MDGA2: variants seen among roughly 807,000 people sequenced by gnomAD.
The protein encoded by MDGA2 is MAM domain-containing glycosylphosphatidylinositol anchor protein 2.
A neutral mutation model predicts 117.8 loss-of-function variants in MDGA2; 40 were observed. That is an observed-to-expected ratio of 0.34 (90% CI 0.26 to 0.44). The LOEUF (loss-of-function observed/expected upper bound fraction) is 0.44. Among genes scored for constraint, MDGA2 ranks in the 20% least tolerant of loss-of-function variants. MDGA2 has a pLI of 1.00. For missense variants in MDGA2, 1,123 were observed against 1,250.6 expected, an observed-to-expected ratio of 0.90 and a Z score of 1.54; for synonymous variants, 452 against 439.0, an observed-to-expected ratio of 1.03 and a Z score of -0.37.
intron 2 of MDGA2, among the ~76,000 whole-genome samples, chr14:47,295,765 G>A (rs10135002): frequency 0.029 from 4,465 of 152,072 alleles, 217 homozygotes; most frequent in African/African-American, 0.1. Flanking sequence ...TTATTAGGGG[G>A]TAGTGGTACG....
At chr14:47,320,770 T>G (rs1244500529) in intron 1 of MDGA2, among the ~76,000 whole-genome samples, 1 of 152,154 alleles carries the variant, frequency 6.6e-6, no homozygotes, top group East Asian at 1.9e-4. Context: ...GGTTATAAAA[T>G]CTGAATTTAT....
intron 7 of MDGA2, among the ~76,000 whole-genome samples, chr14:47,046,716 C>A (rs1889279480): frequency 1.3e-5 from 2 of 151,946 alleles, no homozygotes; most frequent in Non-Finnish European, 2.9e-5. Flanking sequence ...TTGAATACTG[C>A]ACTCCAAACA....
At chr14:46,897,196 T>C (rs947299636) in intron 10 of MDGA2, among the ~76,000 whole-genome samples, 1 of 152,188 alleles carries the variant, frequency 6.6e-6, no homozygotes, top group African/African-American at 2.4e-5. Flanking sequence ...CTAACATACT[T>C]ATATTTACTA....
intron 12 of MDGA2, among the ~76,000 whole-genome samples, chr14:46,876,528 A>T (rs532127876): frequency 6.6e-6 from 1 of 151,754 alleles, no homozygotes; most frequent in Non-Finnish European, 1.5e-5. Flanking sequence ...AATCAAGTGG[A>T]TCTTGAATTT....
chr14:46,938,268 G>A (rs576431219), intron 9 of MDGA2, among the ~76,000 whole-genome samples: 7 of 152,114 alleles, frequency 4.6e-5, no homozygotes, highest in African/African-American at 1.4e-4. Flanking sequence ...GCTGGGCATG[G>A]TGGCTCATGC....
intron 9 of MDGA2, among the ~76,000 whole-genome samples, chr14:46,936,561 T>A (rs1884789053): frequency 6.6e-6 from 1 of 152,136 alleles, no homozygotes; most frequent in Admixed American, 6.6e-5. Context: ...AAATTTAATT[T>A]ATTTTTGTTC....
chr14:47,327,495 G>T lies in MDGA2; in HGVS notation c.281-25945C>A, dbSNP rs561911814. On this transcript the variant is annotated intron_variant, in intron 1 of 16. Coordinates refer to ENST00000399232, the MANE Select transcript of MDGA2 (RefSeq NM_001113498.3). Reference sequence around the variant, plus strand: ...TCCATTTCCCACTGCCTTATTGCAAGGATTTTGACAGGTGGAGACATGAAT... The same window carrying T: ...TCCATTTCCCACTGCCTTATTGCAATGATTTTGACAGGTGGAGACATGAAT... Among the ~76,000 whole-genome samples, 3 of 152,200 alleles carry T rather than the reference G, an allele frequency of 2.0e-5. No homozygotes were observed. In the South Asian group the frequency reaches 6.2e-4, roughly 32 times the overall value.
At chr14:47,649,413 T>C (rs1357509421) in intron 1 of MDGA2, among the ~76,000 whole-genome samples, 1 of 152,214 alleles carries the variant, frequency 6.6e-6, no homozygotes, top group Non-Finnish European at 1.5e-5. Flanking sequence ...GTCATAGTAG[T>C]TCCTGTCCTT....
At chr14:47,124,658 G>T (rs1881808824) in intron 5 of MDGA2, among the ~76,000 whole-genome samples, 1 of 151,982 alleles carries the variant, frequency 6.6e-6, no homozygotes, top group Non-Finnish European at 1.5e-5. Context: ...TTGGAGATAG[G>T]GCTTTTACAG....
chr14:46,970,023 T>G (rs955630943), intron 8 of MDGA2, among the ~76,000 whole-genome samples: 1 of 147,234 alleles, frequency 6.8e-6, no homozygotes, highest in Non-Finnish European at 1.5e-5. Context: ...CAAGGGCAAC[T>G]ACAGAACTGA....
chr14:47,490,307 C>T (rs1894142973), intron 1 of MDGA2, among the ~76,000 whole-genome samples: 1 of 152,004 alleles, frequency 6.6e-6, no homozygotes, highest in Non-Finnish European at 1.5e-5. Context: ...CACTAGTATG[C>T]ATATATAGAG....
At chr14:47,598,764 C>T (rs1896592658) in intron 1 of MDGA2, among the ~76,000 whole-genome samples, 2 of 152,088 alleles carry the variant, frequency 1.3e-5, no homozygotes, top group African/African-American at 2.4e-5. Context: ...GATGGTTGCA[C>T]AACACTGTGA....
At chr14:46,844,202 T>G (rs1232604519) in intron 16 of MDGA2, among the ~76,000 whole-genome samples, 1 of 152,170 alleles carries the variant, frequency 6.6e-6, no homozygotes. Flanking sequence ...GTGGTGCAGA[T>G]AGGAGATTAG....
At chr14:47,514,382 C>T (rs1894708645) in intron 1 of MDGA2, among the ~76,000 whole-genome samples, 2 of 152,066 alleles carry the variant, frequency 1.3e-5, no homozygotes, top group South Asian at 4.1e-4. Flanking sequence ...CAGAAAGCCA[C>T]TCTAGACTAA....
At chr14:47,558,962 CAT>C (rs796168696) in intron 1 of MDGA2, among the ~76,000 whole-genome samples, 18 of 152,178 alleles carry the variant, frequency 1.2e-4, no homozygotes, top group South Asian at 4.1e-4. Context: ...ATACGATACA[CAT>C]ATGATTCTGC....
intron 6 of MDGA2, among the ~76,000 whole-genome samples, chr14:47,072,410 G>A (rs1421308407): frequency 1.3e-5 from 2 of 152,176 alleles, no homozygotes; most frequent in Non-Finnish European, 2.9e-5. Context: ...TCAGTCTAAT[G>A]TTAAGACACA....
At chr14:47,185,961 T>C (rs2139387333) in intron 3 of MDGA2, among the ~76,000 whole-genome samples, 1 of 151,694 alleles carries the variant, frequency 6.6e-6, no homozygotes, top group East Asian at 1.9e-4. Flanking sequence ...ATAATTAGGA[T>C]GGAAGGCTTG....
intron 1 of MDGA2, among the ~76,000 whole-genome samples, chr14:47,337,447 T>C (rs746162636): frequency 2.0e-5 from 3 of 152,040 alleles, no homozygotes; most frequent in Non-Finnish European, 4.4e-5. Flanking sequence ...CTCCCGTCTA[T>C]CTGACTAATT....
chr14:47,412,388 C>T lies in MDGA2; in HGVS notation c.281-110838G>A, dbSNP rs1050884021. Among the ~76,000 whole-genome samples the T allele has an allele frequency of 1.5e-3, 224 of 152,234 alleles. 1 individual carries two copies. Among genetic ancestry groups the T allele is most frequent in the African/African-American group, 5.3e-3 (219 of 41,556 alleles). ...CCAACTTCTCCTGGGCTCAAGCAAT[C>T]CTCCCTCCTCAGCCTCCCTAGTAGA... On this transcript the variant is annotated intron_variant, in intron 1 of 16. Coordinates refer to ENST00000399232, the MANE Select transcript of MDGA2 (RefSeq NM_001113498.3).
Sources: allele counts gnomAD v4.1 joint callset (sites outside exome capture counted in the v4.1 genomes callset), GRCh38; gene constraint gnomAD v4.1.1; transcripts MANE v1.5; gene names NCBI Gene and HGNC (gene_info 2026-07-23, HGNC 2026-07-21).